Variants in GPHN observed in about 807,000 individuals in gnomAD.
GPHN encodes gephyrin.
A neutral mutation model predicts 95.5 loss-of-function variants in GPHN; 17 were observed. The observed-to-expected ratio is 0.18, with a 90% CI of 0.12 to 0.27. The LOEUF is 0.27. GPHN is among the 10% of genes least tolerant of loss of function. The pLI is 1.00. For missense variants in GPHN, 660 were observed against 978.1 expected (o/e 0.67, Z 4.34); for synonymous variants, 320 against 322.5 (o/e 0.99, Z 0.08).
rs558631003 is a variant in GPHN at position 66,971,574 on chromosome 14, T to C, written c.963+6249T>C. ...ACAAATTGAGCCTCATATAGATATATAGTTAGAAAAGGAAGGACTATATTG... is the reference window on the plus strand; with the variant it reads ...ACAAATTGAGCCTCATATAGATATACAGTTAGAAAAGGAAGGACTATATTG... On this transcript the variant is annotated intron_variant, in intron 9 of 22. Coordinates refer to ENST00000478722, the MANE Select transcript of GPHN (RefSeq NM_020806.5). Among the ~76,000 whole-genome samples, 232 of 152,310 alleles carry C rather than the reference T, an allele frequency of 1.5e-3. 1 individual carries two copies. The highest frequency in any genetic ancestry group is 3.4e-3 in the Middle Eastern group (1 of 294).
At chr14:67,139,311 T>C (rs1475283044) in intron 17 of GPHN, among the ~76,000 whole-genome samples, 1 of 152,076 alleles carries the variant, frequency 6.6e-6, no homozygotes, top group East Asian at 1.9e-4. Context: ...AATAGCTCGC[T>C]GCAGTCTTGA....
chr14:66,579,713 T>C (rs541123793), intron 1 of GPHN, among the ~76,000 whole-genome samples: 37 of 151,886 alleles, frequency 2.4e-4, no homozygotes, highest in Non-Finnish European at 4.0e-4. Flanking sequence ...AAGCAAATAT[T>C]AATAGATCTG....
chr14:67,718,053 GAAC>G, the GPHN span, among the ~76,000 whole-genome samples: 4 of 152,110 alleles, frequency 2.6e-5, no homozygotes, highest in Admixed American at 6.5e-5. Flanking sequence ...CAAGAAAAAG[GAAC>G]AACAAGTCAT....
At chr14:67,531,296 C>T in the GPHN span, among the ~76,000 whole-genome samples, 1 of 152,082 alleles carries the variant, frequency 6.6e-6, no homozygotes, top group East Asian at 1.9e-4. Flanking sequence ...AAAACAACAA[C>T]AACAACAAAA....
chr14:66,592,217 C>G (rs36073373), intron 1 of GPHN, among the ~76,000 whole-genome samples: 4 of 152,216 alleles, frequency 2.6e-5, no homozygotes, highest in Non-Finnish European at 4.4e-5. Flanking sequence ...AAAACCTAGG[C>G]AATACCATTC....
intron 17 of GPHN, among the ~76,000 whole-genome samples, chr14:67,126,554 T>TCAGGTAGAAGGATAAGA (rs2079329761): frequency 6.6e-6 from 1 of 152,132 alleles, no homozygotes; most frequent in Admixed American, 6.5e-5. Flanking sequence ...AACAAGAGAT[T>TCAGGTAGAAGGATAAGA]CAGGTAGAAG....
chr14:67,109,012 G>A (rs1044871330), intron 13 of GPHN, among the ~76,000 whole-genome samples: 4 of 152,094 alleles, frequency 2.6e-5, no homozygotes, highest in African/African-American at 9.7e-5. Flanking sequence ...ACCTGCATGA[G>A]TAGCCCACTA....
the GPHN span, among the ~76,000 whole-genome samples, chr14:67,388,765 T>C: frequency 6.6e-6 from 1 of 152,242 alleles, no homozygotes; most frequent in East Asian, 1.9e-4. Context: ...CTGCAACCTC[T>C]GCCTCCCAGG....
At chr14:66,927,725 G>GT (rs1304287831) in intron 8 of GPHN, among the ~76,000 whole-genome samples, 1 of 151,810 alleles carries the variant, frequency 6.6e-6, no homozygotes, top group East Asian at 1.9e-4. Flanking sequence ...TCTATACCCA[G>GT]TTTTTTTAGG....
chr14:67,416,815 C>T, the GPHN span, among the ~76,000 whole-genome samples: 1 of 152,208 alleles, frequency 6.6e-6, no homozygotes, highest in African/African-American at 2.4e-5. Flanking sequence ...ATTCCGGGGA[C>T]ACTGCAGTTC....
At chr14:67,462,464 G>GC in the GPHN span, among the ~76,000 whole-genome samples, 2 of 152,148 alleles carry the variant, frequency 1.3e-5, no homozygotes, top group African/African-American at 2.4e-5. Context: ...TCCTGCCTCA[G>GC]CCTCCCAAGT....
rs557133098 is a variant in GPHN at position 66,852,562 on chromosome 14, C to G, written c.295-27377C>G. 2.4e-3 allele frequency among the ~76,000 whole-genome samples: 365 copies of G among 152,268 alleles called. 4 individuals carry two copies. Among genetic ancestry groups the G allele is most frequent in the African/African-American group, 8.3e-3 (344 of 41,566 alleles). On this transcript the variant is annotated intron_variant, in intron 4 of 22. Coordinates refer to ENST00000478722, the MANE Select transcript of GPHN (RefSeq NM_020806.5). ...ATTATTTCTGGGTGGGGAAATTGCT[C>G]TCTCTTTTTATTTTGTTTGTGCATG...
At chr14:67,101,722 T>C (rs1433532651) in intron 13 of GPHN, among the ~76,000 whole-genome samples, 1 of 151,662 alleles carries the variant, frequency 6.6e-6, no homozygotes, top group Non-Finnish European at 1.5e-5. Context: ...TATTTTACAC[T>C]CTTTTAGTTT....
the GPHN span, chr14:67,380,629 C>T: frequency 3.1e-6 from 4 of 1,287,670 alleles, no homozygotes; most frequent in East Asian, 2.5e-5. Context: ...TAACCTTGAC[C>T]TTTTGTTATT....
At chr14:67,630,537 C>T in the GPHN span, among the ~76,000 whole-genome samples, 652 of 152,266 alleles carry the variant, frequency 4.3e-3, 7 homozygotes, top group African/African-American at 0.015. Context: ...TTCATGTGAC[C>T]ACATCCAGTT....
intron 1 of GPHN, among the ~76,000 whole-genome samples, chr14:66,585,307 C>G (rs559945052): frequency 6.6e-6 from 1 of 152,250 alleles, no homozygotes; most frequent in African/African-American, 2.4e-5. Context: ...TGCTAGCGGT[C>G]TATCAATTTT....
the GPHN span, among the ~76,000 whole-genome samples, chr14:67,552,331 A>G: frequency 0.012 from 1,862 of 152,334 alleles, 45 homozygotes; most frequent in African/African-American, 0.043. Context: ...CTTTAAGCAA[A>G]GGTGAAGAAG....
the GPHN span, among the ~76,000 whole-genome samples, chr14:67,436,525 C>G: frequency 3.3e-5 from 5 of 152,168 alleles, no homozygotes; most frequent in Non-Finnish European, 7.4e-5. Flanking sequence ...CGAGGGAGCC[C>G]CTTTCCATAT....
intron 19 of GPHN, among the ~76,000 whole-genome samples, chr14:67,161,805 G>A (rs1054715907): frequency 6.6e-6 from 1 of 152,106 alleles, no homozygotes; most frequent in African/African-American, 2.4e-5. Context: ...AAGCCAACAC[G>A]ACTTGCCCTT....
Sources: allele counts gnomAD v4.1 joint callset (sites outside exome capture counted in the v4.1 genomes callset), GRCh38; gene constraint gnomAD v4.1.1; transcripts MANE v1.5; gene names NCBI Gene and HGNC (gene_info 2026-07-23, HGNC 2026-07-21).